Variants in RELCH observed in about 807,000 individuals in gnomAD.
RELCH encodes RAB11 binding and LisH domain, coiled-coil and HEAT repeat containing.
RELCH carries 41 observed loss-of-function variants against 150.3 expected under a neutral mutation model. The ratio of observed to expected loss-of-function variants is 0.27; its 90% CI spans 0.21 to 0.35. RELCH has a LOEUF of 0.35. RELCH is among the 10% of genes least tolerant of loss of function. The pLI is 1.00. For missense variants in RELCH, 1,092 were observed against 1,467.8 expected (o/e 0.74, Z 4.18); for synonymous variants, 478 against 531.8 (o/e 0.90, Z 1.39).
At chr18:62,218,440 G>C (rs551950670) in intron 2 of RELCH, among the ~76,000 whole-genome samples, 1 of 151,836 alleles carries the variant, frequency 6.6e-6, no homozygotes, top group Non-Finnish European at 1.5e-5. Context: ...GAATTGAGTT[G>C]GACAACAAAG....
chr18:62,194,622 G>C (rs1472613668), intron 1 of RELCH, among the ~76,000 whole-genome samples: 2 of 152,098 alleles, frequency 1.3e-5, no homozygotes, highest in African/African-American at 4.8e-5. Flanking sequence ...AAATTATATT[G>C]TCTAGGACAG....
chr18:62,259,633 A>C (rs1171096923), intron 15 of RELCH, among the ~76,000 whole-genome samples: 2 of 151,938 alleles, frequency 1.3e-5, no homozygotes, highest in Non-Finnish European at 2.9e-5. Flanking sequence ...TAGAAAAAGC[A>C]ATCTGAAAAT....
rs1377768426 is a variant in RELCH, at chr18:62,228,325, A to G, written c.1175A>G (p.Asn392Ser). The change falls in exon 8 of 29, where the codon AAT becomes AGT. Residue 392 changes from asparagine (N) to serine (S), a missense_variant. Asn to Ser is a conservative substitution (Grantham distance 46). Transcript: ENST00000644646. ...TACAGTGAAATGGACTTCCTCAAAA[A>G]TGAACACTTTGCCATCCCAGCAGTT... ...RLKSEMDFLK[N>S]EHFAIPAVCD... 1 of 1,611,424 alleles carries G rather than the reference A, an allele frequency of 6.2e-7. No homozygotes were observed. The highest frequency in any genetic ancestry group is 8.5e-7 in the Non-Finnish European group (1 of 1,178,944).
rs1822880057 is a variant in RELCH, at chr18:62,220,783, A to G, written c.617-254A>G. On this transcript the variant is annotated intron_variant, in intron 2 of 28. Coordinates refer to ENST00000644646, the MANE Select transcript of RELCH (RefSeq NM_001346231.2). The stretch of plus-strand genomic sequence containing the variant: ...ATAGATTTTATTTTTAAATAGAGCT[A>G]TTCCTTGTCAGACAGCTAGAACATT... 1.7e-5 allele frequency: 8 copies of G among 480,804 alleles called. No individual in the cohort carries two copies. The South Asian group carries it at 2.0e-4, about 12-fold the overall frequency. The allele number at this position is 480,804 out of a possible 1,614,324, so 29.8% of individuals were successfully genotyped here. A position where few individuals can be genotyped will look rare whatever the true frequency, so the allele number is the denominator to read the frequency against.
chr18:62,301,563 C>A (rs1439096489), intron 28 of RELCH, among the ~76,000 whole-genome samples: 1 of 152,192 alleles, frequency 6.6e-6, no homozygotes, highest in Non-Finnish European at 1.5e-5. Flanking sequence ...CTTTGGTTGT[C>A]TAGCGTTAGT....
At position 62,280,724 on chromosome 18, in the gene RELCH, A is replaced by C. The variant is rs1477477927; in HGVS notation, c.3114+15A>C. The C allele has an allele frequency of 1.3e-6, 2 of 1,536,494 alleles. No homozygotes were observed. The highest frequency in any genetic ancestry group is 4.5e-5 in the East Asian group (2 of 44,332). On this transcript the variant is annotated intron_variant, in intron 24 of 28. Transcript: ENST00000644646. ...TTCAAAGAGAGGTAGGAATAATTGA[A>C]ATTTATTTATGTCTGTGTAATATTG... is the stretch of plus-strand genomic sequence containing the variant.
chr18:62,226,024 T>G (rs1368384090), intron 5 of RELCH, among the ~76,000 whole-genome samples: 2 of 151,974 alleles, frequency 1.3e-5, no homozygotes, highest in African/African-American at 2.4e-5. Flanking sequence ...AAGCCCCCAC[T>G]TGTAATACTC....
intron 22 of RELCH, chr18:62,278,003 T>G (rs2044305832): frequency 5.4e-6 from 1 of 186,892 alleles, no homozygotes; most frequent in Non-Finnish European, 1.0e-5. Flanking sequence ...GAAGCCTCAG[T>G]TTCTTCATCT....
intron 27 of RELCH, among the ~76,000 whole-genome samples, chr18:62,298,387 T>C (rs1000547688): frequency 7.2e-5 from 11 of 152,168 alleles, no homozygotes; most frequent in Admixed American, 3.3e-4. Flanking sequence ...GGGATCTTGC[T>C]TTTTGCAACC....
intron 22 of RELCH, 42 bp from the exon 23 acceptor site, chr18:62,279,732 T>A: frequency 7.6e-7 from 1 of 1,319,594 alleles, no homozygotes; most frequent in East Asian, 2.5e-5. Context: ...GTTTGCTCTT[T>A]CCGTGCATCA....
At chr18:62,229,798 G>A (rs530943023) in intron 8 of RELCH, among the ~76,000 whole-genome samples, 3 of 152,006 alleles carry the variant, frequency 2.0e-5, no homozygotes, top group Admixed American at 2.0e-4. Context: ...ATGCACAAAT[G>A]AAACAGTGCT....
chr18:62,267,918 C>G (rs2043676146), intron 19 of RELCH, among the ~76,000 whole-genome samples: 1 of 151,850 alleles, frequency 6.6e-6, no homozygotes. Context: ...AGCTTATGTT[C>G]TAACATTAAC....
At chr18:62,277,119 G>T (rs1421836380) in intron 22 of RELCH, among the ~76,000 whole-genome samples, 1 of 151,998 alleles carries the variant, frequency 6.6e-6, no homozygotes, top group Non-Finnish European at 1.5e-5. Context: ...CCATGTAAAT[G>T]AAAATAAGTA....
At chr18:62,303,960 C>G (rs78788227) in intron 28 of RELCH, among the ~76,000 whole-genome samples, 1,827 of 152,204 alleles carry the variant, frequency 0.012, 12 homozygotes, top group Non-Finnish European at 0.019. Context: ...TAAAAAGAAA[C>G]AGTAGAGGAG....
intron 19 of RELCH, among the ~76,000 whole-genome samples, chr18:62,267,836 C>T (rs1048816137): frequency 4.0e-5 from 6 of 151,498 alleles, no homozygotes; most frequent in African/African-American, 1.5e-4. Context: ...ATTAGTTAGC[C>T]ATGAATGTTT....
intron 24 of RELCH, 144 bp from the exon 25 acceptor site, chr18:62,282,162 T>G: frequency 1.8e-6 from 1 of 559,668 alleles, no homozygotes; most frequent in Non-Finnish European, 3.0e-6. Context: ...AACTATTTAT[T>G]TAATTCCAAA....
At chr18:62,304,751 C>A (rs1335488327) in intron 28 of RELCH, among the ~76,000 whole-genome samples, 1 of 152,008 alleles carries the variant, frequency 6.6e-6, no homozygotes, top group Non-Finnish European at 1.5e-5. Context: ...CTTTAGAGGT[C>A]ATTTAGATTG....
intron 10 of RELCH, among the ~76,000 whole-genome samples, chr18:62,233,021 T>C (rs2041674710): frequency 6.6e-6 from 1 of 151,998 alleles, no homozygotes; most frequent in Non-Finnish European, 1.5e-5. Context: ...TGACAGATGC[T>C]TTAAGTATCC....
intron 2 of RELCH, 87 bp from the exon 3 acceptor site, chr18:62,220,950 T>C (rs1030164172): frequency 9.9e-7 from 1 of 1,007,774 alleles, no homozygotes; most frequent in African/African-American, 1.6e-5. Flanking sequence ...TTTTTTTTCA[T>C]ACCCATCCTT....
Sources: allele counts gnomAD v4.1 joint callset (sites outside exome capture counted in the v4.1 genomes callset), GRCh38; gene constraint gnomAD v4.1.1; transcripts MANE v1.5; gene names NCBI Gene and HGNC (gene_info 2026-07-23, HGNC 2026-07-21).